The following LHFPL3 variants were observed in gnomAD, a reference collection of about 807,000 sequenced individuals.
LHFPL3 encodes the protein LHFPL tetraspan subfamily member 3 protein.
LHFPL3 carries 5 observed loss-of-function variants against 19.3 expected under a neutral mutation model. The ratio of observed to expected loss-of-function variants is 0.26; its 90% CI spans 0.14 to 0.54. The LOEUF (loss-of-function observed/expected upper bound fraction) is 0.54, where lower values mean the gene tolerates loss of function less well. LHFPL3 is among the 20% of genes least tolerant of loss of function. The probability of loss-of-function intolerance (pLI) is 0.94; values close to 1 mark genes in which losing one functional copy is unlikely to be tolerated. For missense variants in LHFPL3, 249 were observed against 307.4 expected (o/e 0.81, Z 1.42); for synonymous variants, 133 against 126.2 (o/e 1.05, Z -0.36).
At chr7:104,552,736 T>G (rs1237503477) in intron 1 of LHFPL3, among the ~76,000 whole-genome samples, 1 of 152,216 alleles carries the variant, frequency 6.6e-6, no homozygotes, top group Non-Finnish European at 1.5e-5. Flanking sequence ...ATAATGGAAA[T>G]ATTTTAAGTG....
chr7:104,744,320 C>T (rs1373452887), intron 2 of LHFPL3: 3 of 152,048 alleles, frequency 2.0e-5, no homozygotes, highest in Non-Finnish European at 4.4e-5. Context: ...TTATAAAAAC[C>T]TTACTGAAGT....
intron 1 of LHFPL3, among the ~76,000 whole-genome samples, chr7:104,379,692 C>A (rs927109668): frequency 3.9e-5 from 6 of 152,060 alleles, no homozygotes; most frequent in African/African-American, 1.2e-4. Context: ...AAAAGAAAAC[C>A]AACATGAAGT....
chr7:104,884,145 A>G (rs1249150365), intron 2 of LHFPL3, among the ~76,000 whole-genome samples: 3 of 152,180 alleles, frequency 2.0e-5, no homozygotes, highest in Non-Finnish European at 4.4e-5. Flanking sequence ...GATGCGTGAT[A>G]AGTGCCCAAG....
chr7:104,841,324 A>G (rs1791199312), intron 2 of LHFPL3, among the ~76,000 whole-genome samples: 1 of 152,162 alleles, frequency 6.6e-6, no homozygotes, highest in African/African-American at 2.4e-5. Context: ...AACCTTCCTC[A>G]GTGGCCTGCA....
chr7:104,523,994 G>T (rs1222480742), intron 1 of LHFPL3, among the ~76,000 whole-genome samples: 2 of 152,116 alleles, frequency 1.3e-5, no homozygotes, highest in African/African-American at 2.4e-5. Flanking sequence ...CTGTAAACAG[G>T]TGTTTAGGAA....
intron 2 of LHFPL3, among the ~76,000 whole-genome samples, chr7:104,778,756 A>G (rs1794674383): frequency 6.6e-6 from 1 of 152,218 alleles, no homozygotes; most frequent in Non-Finnish European, 1.5e-5. Flanking sequence ...AGGCTGCCTC[A>G]GTTAAAATCC....
At position 104,803,415 on chromosome 7, in the gene LHFPL3, C is replaced by T. The variant is rs374853075; in HGVS notation, c.682+66504C>T. The T allele has an allele frequency of 2.6e-5, 4 of 152,176 alleles. No homozygotes were observed. In the East Asian group the frequency reaches 5.8e-4, roughly 22 times the overall value. 9.4% of individuals were successfully genotyped at this position (152,176 alleles called of 1,614,324 possible). ...GTTCCAAAATCGTTATTAGCCTTTA[C>T]GACATTTTATCATGATCTTCAGTTT... On this transcript the variant is annotated intron_variant, in intron 2 of 2. Coordinates refer to ENST00000424859, the MANE Select transcript of LHFPL3 (RefSeq NM_199000.3).
chr7:104,900,598 G>A (rs970148397), intron 2 of LHFPL3, among the ~76,000 whole-genome samples: 9 of 152,214 alleles, frequency 5.9e-5, no homozygotes, highest in Non-Finnish European at 7.3e-5. Context: ...GGAGGAGTCA[G>A]CTCTCCTGAC....
At chr7:104,449,379 A>G (rs1792387835) in intron 1 of LHFPL3, among the ~76,000 whole-genome samples, 1 of 152,162 alleles carries the variant, frequency 6.6e-6, no homozygotes, top group African/African-American at 2.4e-5. Context: ...AGGTACATAT[A>G]TTGAGTACAG....
chr7:104,437,155 G>T (rs916560469), intron 1 of LHFPL3, among the ~76,000 whole-genome samples: 1 of 152,186 alleles, frequency 6.6e-6, no homozygotes, highest in African/African-American at 2.4e-5. Flanking sequence ...TGCAACATCT[G>T]TAAGTTAAAA....
At chr7:104,658,262 A>G (rs73181833) in intron 1 of LHFPL3, among the ~76,000 whole-genome samples, 1 of 152,180 alleles carries the variant, frequency 6.6e-6, no homozygotes, top group Admixed American at 6.5e-5. Context: ...GCATTTCTAG[A>G]TAAATTAGAA....
At chr7:104,513,247 G>C (rs1793855447) in intron 1 of LHFPL3, among the ~76,000 whole-genome samples, 2 of 152,256 alleles carry the variant, frequency 1.3e-5, no homozygotes, top group East Asian at 3.9e-4. Context: ...TCAGCTGGTA[G>C]GTAGGATGGT....
intron 2 of LHFPL3, among the ~76,000 whole-genome samples, chr7:104,844,870 G>A (rs1791283337): frequency 6.6e-6 from 1 of 152,156 alleles, no homozygotes; most frequent in Admixed American, 6.5e-5. Flanking sequence ...CTCCCATGTA[G>A]CAGGGATTAC....
intron 2 of LHFPL3, among the ~76,000 whole-genome samples, chr7:104,866,929 A>G (rs558305631): frequency 1.3e-5 from 2 of 152,342 alleles, no homozygotes; most frequent in South Asian, 4.1e-4. Flanking sequence ...AACTCACTCA[A>G]AACTGCTCAA....
rs180995926 is a variant in LHFPL3, at chr7:104,380,968, G to A, written c.445+51744G>A. ...TGTTGAATTTTCAATTAAATGCATAGAGACTGTAAAAGGAGATGTACAGTT... is the reference window on the plus strand; with the variant it reads ...TGTTGAATTTTCAATTAAATGCATAAAGACTGTAAAAGGAGATGTACAGTT... On this transcript the variant is annotated intron_variant, in intron 1 of 2. Coordinates refer to ENST00000424859, the MANE Select transcript of LHFPL3 (RefSeq NM_199000.3). 2.5e-4 allele frequency among the ~76,000 whole-genome samples: 38 copies of A among 152,266 alleles called. 1 individual carries two copies. Among genetic ancestry groups the A allele is most frequent in the Admixed American group, 2.5e-3 (38 of 15,302 alleles).
chr7:104,693,065 A>G (rs1792934031), intron 1 of LHFPL3, among the ~76,000 whole-genome samples: 1 of 152,242 alleles, frequency 6.6e-6, no homozygotes, highest in African/African-American at 2.4e-5. Flanking sequence ...GATGTGAGAC[A>G]TGAAGTCAAA....
rs570718732 is a variant in LHFPL3 at position 104,869,568 on chromosome 7, A to T, written c.683-36619A>T. Among the ~76,000 whole-genome samples, 401 of 151,962 alleles carry T rather than the reference A, an allele frequency of 2.6e-3. 2 individuals carry two copies. The highest frequency in any genetic ancestry group is 3.4e-3 in the Non-Finnish European group (231 of 67,924). On this transcript the variant is annotated intron_variant, in intron 2 of 2. Transcript: ENST00000424859. ...ACCATCTCACACCAGTTAGAATGGCAATCATTAAAAAGTCAGGAAACAACA... is the reference window on the plus strand; with the variant it reads ...ACCATCTCACACCAGTTAGAATGGCTATCATTAAAAAGTCAGGAAACAACA...
chr7:104,707,494 C>T (rs1157871043), intron 1 of LHFPL3, among the ~76,000 whole-genome samples: 1 of 152,138 alleles, frequency 6.6e-6, no homozygotes, highest in African/African-American at 2.4e-5. Flanking sequence ...AGACAATACA[C>T]TAGTCACACT....
intron 1 of LHFPL3, among the ~76,000 whole-genome samples, chr7:104,556,297 C>A (rs1261603153): frequency 6.6e-6 from 1 of 151,902 alleles, no homozygotes; most frequent in African/African-American, 2.4e-5. Context: ...CCATGAGGGT[C>A]CCCCCCCTGC....
Sources: gnomAD v4.1 joint callset for allele counts (sites outside exome capture counted in the v4.1 genomes callset) on GRCh38, gnomAD v4.1.1 for gene constraint, MANE v1.5 for transcripts, NCBI Gene and HGNC (gene_info 2026-07-23, HGNC 2026-07-21) for gene names.